SCFD2: variants seen among roughly 807,000 people sequenced by gnomAD.
The protein encoded by SCFD2 is sec1 family domain containing 2.
Under a neutral mutation model 58.9 loss-of-function variants are expected in SCFD2, and 54 were observed. That is an observed-to-expected ratio of 0.92 (90% CI 0.74 to 1.15). The LOEUF (loss-of-function observed/expected upper bound fraction) is 1.15. Among genes scored for constraint, SCFD2 ranks in the 50% most tolerant of loss-of-function variants. The probability of loss-of-function intolerance (pLI) is 0.00; values close to 1 mark genes in which losing one functional copy is unlikely to be tolerated. For synonymous variants in SCFD2, 321 were observed against 335.9 expected, an observed-to-expected ratio of 0.96 and a Z score of 0.49; for missense variants, 805 against 836.6, an observed-to-expected ratio of 0.96 and a Z score of 0.47.
intron 4 of SCFD2, among the ~76,000 whole-genome samples, chr4:53,237,256 G>A (rs1164578268): frequency 2.7e-5 from 4 of 149,146 alleles, no homozygotes; most frequent in African/African-American, 9.8e-5. Flanking sequence ...CACAGACACG[G>A]CAACCATCCG....
chr4:53,179,712 G>A (rs1418755792), intron 4 of SCFD2, among the ~76,000 whole-genome samples: 1 of 152,088 alleles, frequency 6.6e-6, no homozygotes, highest in East Asian at 1.9e-4. Flanking sequence ...TGGCAAATTG[G>A]ATCAAGAGTC....
chr4:52,989,294 C>A (rs1287092324), intron 5 of SCFD2, among the ~76,000 whole-genome samples: 1 of 152,182 alleles, frequency 6.6e-6, no homozygotes, highest in South Asian at 2.1e-4. Context: ...CTATGCCCAT[C>A]AATTTCTCCT....
intron 4 of SCFD2, among the ~76,000 whole-genome samples, chr4:53,216,788 C>T (rs1338531839): frequency 6.6e-6 from 1 of 152,190 alleles, no homozygotes; most frequent in African/African-American, 2.4e-5. Context: ...GCATCTAGTG[C>T]TATAAATTTC....
At chr4:53,034,897 G>T (rs1722716356) in intron 5 of SCFD2, among the ~76,000 whole-genome samples, 1 of 152,184 alleles carries the variant, frequency 6.6e-6, no homozygotes, top group African/African-American at 2.4e-5. Context: ...TGGCCATACT[G>T]CCCAAAGTAA....
chr4:52,990,533 A>T (rs1385508319), intron 5 of SCFD2, among the ~76,000 whole-genome samples: 2 of 152,222 alleles, frequency 1.3e-5, no homozygotes, highest in Non-Finnish European at 2.9e-5. Flanking sequence ...GGCTAGCATT[A>T]TTCCCATTTT....
rs1363662708 is a variant in SCFD2, at chr4:53,133,306, C to T, written c.1561+12027G>A. Among the ~76,000 whole-genome samples, 25 of 120,246 alleles carry T rather than the reference C, an allele frequency of 2.1e-4. No individual in the cohort carries two copies. The Middle Eastern group carries it at 0.019, about 90-fold the overall frequency. 78.9% of individuals were successfully genotyped at this position (120,246 alleles called of 152,430 possible). Reference sequence around the variant, plus strand: ...TCGCGCCACTGCACTCCAGCCTGGGCGACAGTGCAAGACTCCGTCTCAAAA... The same window carrying T: ...TCGCGCCACTGCACTCCAGCCTGGGTGACAGTGCAAGACTCCGTCTCAAAA... On this transcript the variant is annotated intron_variant, in intron 5 of 8. Transcript: ENST00000401642.
chr4:53,005,812 C>G (rs986866496), intron 5 of SCFD2, among the ~76,000 whole-genome samples: 1 of 152,168 alleles, frequency 6.6e-6, no homozygotes, highest in Admixed American at 6.5e-5. Context: ...TCTACTGAAA[C>G]CTTCTACCTT....
At position 53,247,920 on chromosome 4, in the gene SCFD2, C is replaced by A. The variant is rs1348383349; in HGVS notation, c.1311+25906G>T. On this transcript the variant is annotated intron_variant, in intron 4 of 8. Transcript: ENST00000401642. ...AACAAGATCATGTTTGGGGGAGGAGCCAAGATGGCCGAATAGGAACAGCTC... is the reference window on the plus strand; with the variant it reads ...AACAAGATCATGTTTGGGGGAGGAGACAAGATGGCCGAATAGGAACAGCTC... 3.3e-5 allele frequency among the ~76,000 whole-genome samples: 5 copies of A among 151,042 alleles called. No individual in the cohort carries two copies. The East Asian group carries it at 9.7e-4, about 29-fold the overall frequency.
intron 2 of SCFD2, among the ~76,000 whole-genome samples, chr4:53,345,652 G>T (rs914708778): frequency 1.3e-5 from 2 of 152,190 alleles, no homozygotes; most frequent in African/African-American, 4.8e-5. Flanking sequence ...GCACATGTAT[G>T]TTTATTGTGG....
intron 5 of SCFD2, among the ~76,000 whole-genome samples, chr4:52,971,076 G>A (rs1721087594): frequency 6.6e-6 from 1 of 152,176 alleles, no homozygotes; most frequent in South Asian, 2.1e-4. Context: ...AAAAACTAGA[G>A]CAGAAAAACC....
chr4:53,112,811 G>A (rs1335349850), intron 5 of SCFD2, among the ~76,000 whole-genome samples: 2 of 152,034 alleles, frequency 1.3e-5, no homozygotes, highest in African/African-American at 2.4e-5. Context: ...TCTCTCAACT[G>A]TTGATGCCTA....
chr4:53,310,846 C>T (rs535286462), intron 3 of SCFD2, among the ~76,000 whole-genome samples: 28 of 152,078 alleles, frequency 1.8e-4, no homozygotes, highest in African/African-American at 6.3e-4. Flanking sequence ...GGGATCCCTC[C>T]CCATAAATTT....
intron 5 of SCFD2, among the ~76,000 whole-genome samples, chr4:52,981,497 T>C (rs1721374303): frequency 6.6e-6 from 1 of 152,168 alleles, no homozygotes; most frequent in Non-Finnish European, 1.5e-5. Context: ...TCATATTATG[T>C]CAGGGTCAGT....
At chr4:52,918,875 T>C (rs185310786) in intron 6 of SCFD2, among the ~76,000 whole-genome samples, 2 of 152,252 alleles carry the variant, frequency 1.3e-5, no homozygotes, top group Admixed American at 6.5e-5. Context: ...ATTGTAATGG[T>C]TGCACAGCAT....
At chr4:53,127,553 C>T (rs1725663332) in intron 5 of SCFD2, among the ~76,000 whole-genome samples, 1 of 152,134 alleles carries the variant, frequency 6.6e-6, no homozygotes, top group South Asian at 2.1e-4. Flanking sequence ...CTTTACGACA[C>T]ACAATGGGGT....
intron 4 of SCFD2, among the ~76,000 whole-genome samples, chr4:53,179,157 A>G (rs932195038): frequency 5.9e-5 from 9 of 152,214 alleles, no homozygotes; most frequent in African/African-American, 1.7e-4. Flanking sequence ...AAACACCACA[A>G]AGATACTCCT....
intron 4 of SCFD2, among the ~76,000 whole-genome samples, chr4:53,186,089 C>A (rs80124311): frequency 6.6e-6 from 1 of 152,252 alleles, no homozygotes; most frequent in African/African-American, 2.4e-5. Context: ...TGACTGCATG[C>A]CAGGTAGTGT....
chr4:52,925,519 T>A (rs985070716), intron 5 of SCFD2, among the ~76,000 whole-genome samples: 2 of 152,036 alleles, frequency 1.3e-5, no homozygotes, highest in Non-Finnish European at 2.9e-5. Flanking sequence ...CTTAGATCCT[T>A]CTTTTTTGGC....
At chr4:53,109,171 T>A (rs920783754) in intron 5 of SCFD2, among the ~76,000 whole-genome samples, 2 of 152,130 alleles carry the variant, frequency 1.3e-5, no homozygotes, top group African/African-American at 4.8e-5. Flanking sequence ...CAACACCCCT[T>A]CATGCTAAAA....
Sources: gnomAD v4.1 joint callset for allele counts (sites outside exome capture counted in the v4.1 genomes callset) on GRCh38, gnomAD v4.1.1 for gene constraint, MANE v1.5 for transcripts, NCBI Gene and HGNC (gene_info 2026-07-23, HGNC 2026-07-21) for gene names.